The following MCCC1 variants were observed in gnomAD, a reference collection of about 807,000 sequenced individuals.
The protein encoded by MCCC1 is methylcrotonoyl-CoA carboxylase subunit alpha, mitochondrial.
MCCC1 carries 64 observed loss-of-function variants against 83.8 expected under a neutral mutation model. The observed-to-expected ratio is 0.76, with a 90% CI of 0.62 to 0.94. MCCC1 has a LOEUF of 0.94. Ranked by LOEUF, MCCC1 falls within the 40% of genes least tolerant of loss-of-function variation. MCCC1 has a pLI of 0.00. For missense variants in MCCC1, 807 were observed against 904.7 expected (o/e 0.89, Z 1.39); for synonymous variants, 322 against 315.4 (o/e 1.02, Z -0.22).
chr3:183,101,950 C>G (rs1395062207), upstream of MCCC1, among the ~76,000 whole-genome samples: 1 of 152,130 alleles, frequency 6.6e-6, no homozygotes, highest in African/African-American at 2.4e-5. Context: ...CCAGTGAGAC[C>G]ACGAACCCAC....
chr3:183,089,910 C>T (rs937600784), intron 3 of MCCC1, among the ~76,000 whole-genome samples: 7 of 152,060 alleles, frequency 4.6e-5, no homozygotes, highest in African/African-American at 1.7e-4. Context: ...TAGTTTGGTA[C>T]CTGTGACAAT....
At chr3:183,044,566 C>T (rs1324768199) in intron 10 of MCCC1, among the ~76,000 whole-genome samples, 1 of 152,174 alleles carries the variant, frequency 6.6e-6, no homozygotes, top group Non-Finnish European at 1.5e-5. Flanking sequence ...ATTCCCAACT[C>T]TGCCTTAGCT....
Position 183,099,473 on chromosome 3 carries a change from A to G in MCCC1, c.-33T>C. 1 of 1,582,246 alleles carries G rather than the reference A, an allele frequency of 6.3e-7. No individual in the cohort carries two copies. The highest frequency in any genetic ancestry group is 8.6e-7 in the Non-Finnish European group (1 of 1,164,918). On this transcript the variant is annotated 5_prime_UTR_variant, in exon 1 of 19. Transcript: ENST00000265594. ...GAGCCCGGCCACTCCGTGACTCCCCAGTACAGAGGCAGCTGCGTCCCACAC... is the reference window on the plus strand; with the variant it reads ...GAGCCCGGCCACTCCGTGACTCCCCGGTACAGAGGCAGCTGCGTCCCACAC...
intron 12 of MCCC1, among the ~76,000 whole-genome samples, chr3:183,038,635 G>C (rs931523439): frequency 4.6e-5 from 7 of 152,164 alleles, no homozygotes; most frequent in Admixed American, 2.0e-4. Flanking sequence ...TGGACTGCAG[G>C]CATACTGGGT....
chr3:183,049,186 A>C (rs1385128026), intron 9 of MCCC1, among the ~76,000 whole-genome samples: 1 of 152,206 alleles, frequency 6.6e-6, no homozygotes, highest in Non-Finnish European at 1.5e-5. Context: ...ATTAATGAGA[A>C]GAGAACAGCA....
intron 13 of MCCC1, among the ~76,000 whole-genome samples, chr3:183,034,482 C>T (rs1489059401): frequency 6.8e-6 from 1 of 146,760 alleles, no homozygotes; most frequent in East Asian, 2.1e-4. Flanking sequence ...AAAAAACACA[C>T]GTCCTAAACT....
At chr3:183,080,770 C>T (rs1004460443) in intron 4 of MCCC1, among the ~76,000 whole-genome samples, 2 of 152,128 alleles carry the variant, frequency 1.3e-5, no homozygotes, top group African/African-American at 4.8e-5. Flanking sequence ...GGTTTAGTGG[C>T]TGGATAGGCC....
chr3:183,040,947 C>T lies in MCCC1; in HGVS notation c.1267+620G>A, dbSNP rs556717099. On this transcript the variant is annotated intron_variant, in intron 11 of 18. Transcript: ENST00000265594. ...TCCAAGGATGACCTTGGACAAGTCA[C>T]TTAACTCTTCTGTGCTCCAGTTTCC... Among the ~76,000 whole-genome samples, 8 of 152,276 alleles carry T rather than the reference C, an allele frequency of 5.3e-5. No homozygotes were observed. In the South Asian group the frequency reaches 1.7e-3, roughly 32 times the overall value.
rs367938607 is a variant in MCCC1 at position 183,020,449 on chromosome 3, T to C, written c.1870-212A>G. Among the ~76,000 whole-genome samples, 37 of 151,858 alleles carry C rather than the reference T, an allele frequency of 2.4e-4. No individual in the cohort carries two copies. In the East Asian group the frequency reaches 6.5e-3, roughly 27 times the overall value. ...GAGTTCAAGACCAGCCTGGGCAATA[T>C]AGCGAAACCTCATCTCTACAAAAAA... On this transcript the variant is annotated intron_variant, in intron 16 of 18. Transcript: ENST00000265594.
rs927671140 is a variant in MCCC1, at chr3:183,111,579, C to T, written c.-102+3895G>A. Reference sequence around the variant, plus strand: ...CCTCCCAAAGTGCTGGGATTACAGGCGTGAGTCACCGCGTCCAGCCTTCAA... The same window carrying T: ...CCTCCCAAAGTGCTGGGATTACAGGTGTGAGTCACCGCGTCCAGCCTTCAA... On this transcript the variant is annotated intron_variant, in intron 1 of 17. Coordinates refer to the MCCC1 transcript ENST00000492597. Among the ~76,000 whole-genome samples the T allele has an allele frequency of 7.2e-5, 11 of 152,174 alleles. No individual in the cohort carries two copies. In the South Asian group the frequency reaches 1.4e-3, roughly 20 times the overall value.
chr3:183,031,423 T>C (rs1713059492), intron 14 of MCCC1, among the ~76,000 whole-genome samples: 2 of 151,466 alleles, frequency 1.3e-5, no homozygotes, highest in Non-Finnish European at 2.9e-5. Flanking sequence ...ATACTTAAAA[T>C]AGTTGGTCAT....
chr3:183,062,675 TG>T (rs1715935176), intron 7 of MCCC1, among the ~76,000 whole-genome samples: 1 of 152,166 alleles, frequency 6.6e-6, no homozygotes, highest in South Asian at 2.1e-4. Flanking sequence ...TCTTAGAAGT[TG>T]GAAACACTTT....
intron 1 of MCCC1, among the ~76,000 whole-genome samples, chr3:183,097,952 T>C (rs1022717953): frequency 6.6e-6 from 1 of 152,208 alleles, no homozygotes; most frequent in Non-Finnish European, 1.5e-5. Context: ...TCTTACTCTG[T>C]CGCCCAGGCT....
chr3:183,015,666 C>T, intron 18 of MCCC1, 100 bp from the exon 19 acceptor site: 1 of 1,430,098 alleles, frequency 7.0e-7, no homozygotes, highest in South Asian at 1.2e-5. Flanking sequence ...AAACTGTAGC[C>T]AACTTTGATG....
At chr3:183,070,710 G>T (rs1473512018) in intron 7 of MCCC1, among the ~76,000 whole-genome samples, 4 of 147,910 alleles carry the variant, frequency 2.7e-5, no homozygotes, top group African/African-American at 1.0e-4. Flanking sequence ...TCCAGCCTGG[G>T]CAACTGAATG....
chr3:183,052,333 C>A (rs554794953), intron 8 of MCCC1, 93 bp from the exon 9 acceptor site: 1 of 1,091,464 alleles, frequency 9.2e-7, no homozygotes, highest in South Asian at 1.3e-5. Context: ...CACATAATGA[C>A]GTTTCTTAGT....
chr3:183,063,621 T>C (rs1180881433), intron 7 of MCCC1, among the ~76,000 whole-genome samples: 2 of 152,174 alleles, frequency 1.3e-5, no homozygotes, highest in African/African-American at 4.8e-5. Flanking sequence ...TTTACTTTCT[T>C]AATAAACTTG....
At chr3:183,025,864 C>A in intron 14 of MCCC1, 60 bp from the exon 15 acceptor site, 1 of 1,442,268 alleles carries the variant, frequency 6.9e-7, no homozygotes, top group East Asian at 2.3e-5. Flanking sequence ...ATTTAATAAC[C>A]GAGATATAAA....
At chr3:183,037,165 A>G in intron 13 of MCCC1, 53 bp downstream of exon 13, 2 of 1,549,116 alleles carry the variant, frequency 1.3e-6, no homozygotes, top group Non-Finnish European at 1.8e-6. Flanking sequence ...AAGCATGTTC[A>G]ATGATGATTT....
Sources: allele counts gnomAD v4.1 joint callset (sites outside exome capture counted in the v4.1 genomes callset), GRCh38; gene constraint gnomAD v4.1.1; transcripts MANE v1.5; gene names NCBI Gene and HGNC (gene_info 2026-07-23, HGNC 2026-07-21).